The following L2HGDH variants were observed in gnomAD, a reference collection of about 807,000 sequenced individuals.
L2HGDH encodes the protein L-2-hydroxyglutarate dehydrogenase, also known as L-2-hydroxyglutarate dehydrogenase, mitochondrial.
In L2HGDH, 34 loss-of-function variants were observed where a neutral mutation model predicts 51.5. That is an observed-to-expected ratio of 0.66 (90% CI 0.50 to 0.88). L2HGDH has a LOEUF of 0.88. Among genes scored for constraint, L2HGDH ranks in the 40% least tolerant of loss-of-function variants. L2HGDH has a pLI of 0.00. For missense variants in L2HGDH, 558 were observed against 571.9 expected (o/e 0.98, Z 0.25); for synonymous variants, 198 against 197.9 (o/e 1.00, Z -0.01).
intron 6 of L2HGDH, among the ~76,000 whole-genome samples, chr14:50,275,753 G>A (rs1192590912): frequency 6.6e-6 from 1 of 152,156 alleles, no homozygotes. Flanking sequence ...CTAATATATG[G>A]TATTGTTTCT....
chr14:50,286,913 C>G (rs1890596824), intron 4 of L2HGDH, among the ~76,000 whole-genome samples: 1 of 152,170 alleles, frequency 6.6e-6, no homozygotes, highest in African/African-American at 2.4e-5. Context: ...ACACTATAAC[C>G]TCCTTCAGGT....
intron 4 of L2HGDH, among the ~76,000 whole-genome samples, chr14:50,284,481 A>AT (rs11460377): frequency 0.51 from 77,797 of 151,946 alleles, 20,432 homozygotes; most frequent in East Asian, 0.65. Context: ...AATAGCCTGG[A>AT]TTTTTTTGTT....
chr14:50,273,545 C>T (rs1445761568), intron 6 of L2HGDH, among the ~76,000 whole-genome samples: 2 of 151,698 alleles, frequency 1.3e-5, no homozygotes, highest in African/African-American at 2.4e-5. Context: ...ACATTGGTCT[C>T]AGCAATTTTT....
chr14:50,310,519 C>G (rs1359280146), intron 1 of L2HGDH, among the ~76,000 whole-genome samples: 2 of 151,848 alleles, frequency 1.3e-5, no homozygotes, highest in African/African-American at 4.8e-5. Flanking sequence ...CCACCCTGGG[C>G]AACGTCTCTA....
intron 4 of L2HGDH, among the ~76,000 whole-genome samples, chr14:50,290,373 C>G (rs937765399): frequency 3.9e-5 from 6 of 152,174 alleles, no homozygotes; most frequent in African/African-American, 1.4e-4. Context: ...TTCTCCTCTC[C>G]CCACGTCCAG....
intron 5 of L2HGDH, among the ~76,000 whole-genome samples, chr14:50,279,950 C>T (rs183841201): frequency 8.6e-5 from 13 of 151,708 alleles, no homozygotes; most frequent in African/African-American, 2.7e-4. Flanking sequence ...ATCCCAGCTA[C>T]TCAGGAGGCT....
At position 50,302,089 on chromosome 14, in the gene L2HGDH, T is replaced by C. The variant is rs59390116; in HGVS notation, c.336A>G (p.Leu112=). The C allele has an allele frequency of 3.4e-4, 549 of 1,614,136 alleles. 3 individuals are homozygous for C. The African/African-American group carries it at 5.2e-3, about 15-fold the overall frequency. Reference sequence around the variant, plus strand: ...AGAGGAGGGCTGCACCTTGTACACATAATTTGGCTTTCAGAGACTCAGGTT... The same window carrying C: ...AGAGGAGGGCTGCACCTTGTACACACAATTTGGCTTTCAGAGACTCAGGTT... ...YYKPESLKAK[L]CVQGAALLYE... The change falls in exon 3 of 10, where the codon TTA becomes TTG. Residue 112 remains leucine (L), a synonymous_variant. Transcript: ENST00000267436.
In L2HGDH at chr14:50,245,924, C is replaced by G. The variant is rs1217017683; in HGVS notation, c.*1134G>C. 2.0e-6 allele frequency: 1 copy of G among 507,408 alleles called. No homozygotes were observed. Among genetic ancestry groups the G allele is most frequent in the African/African-American group, 2.1e-5 (1 of 48,054 alleles). 31.4% of individuals were successfully genotyped at this position (507,408 alleles called of 1,614,324 possible). A position where few individuals can be genotyped will look rare whatever the true frequency, so the allele number is the denominator to read the frequency against. ...ATCACCTGAGGTCAGGAATTCGAGA[C>G]CAGCCTGGCCAACATGGCAAAACCC... On this transcript the variant is annotated 3_prime_UTR_variant, in exon 10 of 10. Coordinates refer to ENST00000267436, the MANE Select transcript of L2HGDH (RefSeq NM_024884.3).
chr14:50,268,191 C>T (rs552183432), intron 7 of L2HGDH, among the ~76,000 whole-genome samples: 72 of 151,964 alleles, frequency 4.7e-4, no homozygotes, highest in Non-Finnish European at 5.3e-4. Context: ...CCAGCCTGGC[C>T]AACATGGTGA....
intron 8 of L2HGDH, among the ~76,000 whole-genome samples, 186 bp from the exon 9 acceptor site, chr14:50,265,675 A>C (rs1161530456): frequency 1.3e-5 from 2 of 152,206 alleles, no homozygotes; most frequent in East Asian, 3.9e-4. Flanking sequence ...ACACTTTGGG[A>C]GGTCAAGGCG....
rs1240151493 is a variant in L2HGDH at position 50,246,434 on chromosome 14, CTGGATTTTTTTT to C, written c.*612_*623del. ...GGTTTCATTCACTATGTTGCCCAGG[CTGGATTTTTTTT>C]TTTTTTTTTTTTTTTTTTGAGACAA... On this transcript the variant is annotated 3_prime_UTR_variant, in exon 10 of 10. Transcript: ENST00000267436. 1 of 133,712 alleles carries C rather than the reference CTGGATTTTTTTT, an allele frequency of 7.5e-6. No homozygotes were observed. The highest frequency in any genetic ancestry group is 2.9e-5 in the African/African-American group (1 of 34,990). The allele number at this position is 133,712 out of a possible 1,614,324, so 8.3% of individuals were successfully genotyped here. A position where few individuals can be genotyped will look rare whatever the true frequency, so the allele number is the denominator to read the frequency against.
intron 6 of L2HGDH, among the ~76,000 whole-genome samples, chr14:50,277,870 T>C (rs1890061423): frequency 1.3e-5 from 2 of 151,824 alleles, no homozygotes; most frequent in Non-Finnish European, 2.9e-5. Flanking sequence ...TCTCTGAAGG[T>C]CATCCTAGTC....
chr14:50,268,932 G>A (rs906379689), intron 7 of L2HGDH, among the ~76,000 whole-genome samples: 3 of 152,078 alleles, frequency 2.0e-5, no homozygotes, highest in Admixed American at 1.3e-4. Context: ...TTCCCAGAGT[G>A]CACTCATGCT....
chr14:50,274,626 C>A (rs1889874751), intron 6 of L2HGDH, among the ~76,000 whole-genome samples: 1 of 152,026 alleles, frequency 6.6e-6, no homozygotes, highest in Admixed American at 6.6e-5. Flanking sequence ...TGGGTATATA[C>A]CCAAAGAAAA....
chr14:50,278,642 C>T (rs1890101684), intron 5 of L2HGDH, 88 bp from the exon 6 acceptor site: 3 of 736,436 alleles, frequency 4.1e-6, no homozygotes, highest in Non-Finnish European at 7.1e-6. Context: ...CTTAAATAAC[C>T]TTTTTCTGTC....
intron 4 of L2HGDH, among the ~76,000 whole-genome samples, chr14:50,285,022 CG>C (rs906556016): frequency 5.9e-5 from 9 of 152,162 alleles, no homozygotes; most frequent in Middle Eastern, 3.4e-3. Flanking sequence ...CTGAGGCAGG[CG>C]GATCACAAGG....
At chr14:50,265,630 A>G in intron 8 of L2HGDH, 141 bp from the exon 9 acceptor site, 1 of 817,416 alleles carries the variant, frequency 1.2e-6, no homozygotes, top group East Asian at 2.8e-5. Context: ...AAAGAAAATC[A>G]AGGCCAGGAG....
chr14:50,309,261 TGGTGATATAAAAAATTTCAGGCC>T (rs1234184007), intron 1 of L2HGDH, among the ~76,000 whole-genome samples: 1 of 152,140 alleles, frequency 6.6e-6, no homozygotes, highest in Non-Finnish European at 1.5e-5. Context: ...ACTGAATATT[TGGTGATATAAAAAATTTCAGGCC>T]GGGTGCAGTG....
At chr14:50,270,752 C>T (rs1323720049) in intron 6 of L2HGDH, among the ~76,000 whole-genome samples, 2 of 151,856 alleles carry the variant, frequency 1.3e-5, no homozygotes, top group East Asian at 1.9e-4. Flanking sequence ...GTGATCCACC[C>T]GCCTCGGCCT....
Sources: allele counts gnomAD v4.1 joint callset (sites outside exome capture counted in the v4.1 genomes callset), GRCh38; gene constraint gnomAD v4.1.1; transcripts MANE v1.5; gene names NCBI Gene and HGNC (gene_info 2026-07-23, HGNC 2026-07-21).